AJAP1: variants seen among roughly 807,000 people sequenced by gnomAD.
AJAP1 encodes adherens junctions associated protein 1.
Under a neutral mutation model 35.0 loss-of-function variants are expected in AJAP1, and 5 were observed. The ratio of observed to expected loss-of-function variants is 0.14; its 90% confidence interval spans 0.07 to 0.30. The LOEUF (loss-of-function observed/expected upper bound fraction) is 0.30. Ranked by LOEUF, AJAP1 falls within the 10% of genes least tolerant of loss-of-function variation. The pLI is 1.00. For synonymous variants in AJAP1, 284 were observed against 249.3 expected (o/e 1.14, Z -1.31); for missense variants, 586 against 571.0 (o/e 1.03, Z -0.27).
In AJAP1 at chr1:4,655,438, C is replaced by G; in HGVS notation, c.13C>G (p.Gln5Glu). ...CCGAAACGTGACCATGTGGATTCAA[C>G]AGCTTTTAGGACTCAGGTGAGCGAC... MWIQ[Q>E]LLGLSSMSIR... Residue 5 changes from glutamine (Q) to glutamate (E), a missense_variant, in exon 1 of 6, where the codon CAG becomes GAG. Transcript: ENST00000378191. This position sits in a 1 kb window ranked among gnomAD's most constrained non-coding sequence, Gnocchi z 6.9. 1.3e-6 allele frequency: 2 copies of G among 1,571,562 alleles called. No individual in the cohort carries two copies. The highest frequency in any genetic ancestry group is 8.6e-7 in the Non-Finnish European group (1 of 1,159,262).
chr1:4,688,799 G>T (rs1639667304), intron 1 of AJAP1, among the ~76,000 whole-genome samples: 1 of 149,470 alleles, frequency 6.7e-6, no homozygotes, highest in South Asian at 2.1e-4. Context: ...AAAAAGAAAG[G>T]ATCGTGATGC....
chr1:4,675,939 G>C (rs1296726582), intron 1 of AJAP1, among the ~76,000 whole-genome samples: 1 of 152,228 alleles, frequency 6.6e-6, no homozygotes, highest in Non-Finnish European at 1.5e-5. Flanking sequence ...CTGCAGAGAA[G>C]CTGCGTGGAG....
intron 2 of AJAP1, among the ~76,000 whole-genome samples, chr1:4,746,633 C>T (rs1246426649): frequency 6.6e-6 from 1 of 152,098 alleles, no homozygotes; most frequent in Non-Finnish European, 1.5e-5. Flanking sequence ...GTACCATGAC[C>T]GAAAATACGT....
intron 1 of AJAP1, among the ~76,000 whole-genome samples, chr1:4,684,466 C>T (rs10915586): frequency 0.012 from 1,814 of 152,170 alleles, 38 homozygotes; most frequent in African/African-American, 0.039. Context: ...AGGTCTAGGG[C>T]GGCCTTGTGG....
At chr1:4,727,127 G>T (rs908504996) in intron 2 of AJAP1, among the ~76,000 whole-genome samples, 2 of 152,244 alleles carry the variant, frequency 1.3e-5, no homozygotes, top group Non-Finnish European at 2.9e-5. Flanking sequence ...GAGCTGGGGC[G>T]CACACAGCTC....
In AJAP1 at chr1:4,788,522, G is replaced by T. The variant is rs1223762860; in HGVS notation, c.*6037G>T. On this transcript the variant is annotated 3_prime_UTR_variant, in exon 6 of 6. Coordinates refer to ENST00000378191, the MANE Select transcript of AJAP1 (RefSeq NM_018836.4). Reference sequence around the variant, plus strand: ...CCCTAGCTAGGAAACTTAACTCTTTGCACAACCTCCCTTTATGCTGAAGGG... The same window carrying T: ...CCCTAGCTAGGAAACTTAACTCTTTTCACAACCTCCCTTTATGCTGAAGGG... 1.3e-5 allele frequency: 2 copies of T among 152,162 alleles called. No homozygotes were observed. Among genetic ancestry groups the T allele is most frequent in the Non-Finnish European group, 2.9e-5 (2 of 68,040 alleles). The allele number at this position is 152,162 out of a possible 1,614,324, so 9.4% of individuals were successfully genotyped here.
At chr1:4,674,555 A>G (rs1402082267) in intron 1 of AJAP1, among the ~76,000 whole-genome samples, 1 of 152,226 alleles carries the variant, frequency 6.6e-6, no homozygotes, top group African/African-American at 2.4e-5. Context: ...AGAAGCAGAA[A>G]TACGGAGGGG....
chr1:4,751,843 C>A (rs952629058), intron 2 of AJAP1, among the ~76,000 whole-genome samples: 3 of 152,196 alleles, frequency 2.0e-5, no homozygotes, highest in Admixed American at 1.3e-4. Flanking sequence ...GGCACAGAAG[C>A]AGCCAACACA....
At position 4,787,722 on chromosome 1, in the gene AJAP1, A is replaced by G. The variant is rs1217450527; in HGVS notation, c.*5237A>G. On this transcript the variant is annotated 3_prime_UTR_variant, in exon 6 of 6. Coordinates refer to ENST00000378191, the MANE Select transcript of AJAP1 (RefSeq NM_018836.4). ...CATCTGTCAGGTTGCCAGGCCAAGC[A>G]GGTCTCAGGTCAGCCAGGTCTCAAG... The G allele has an allele frequency of 2.2e-6, 1 of 456,110 alleles. No individual in the cohort carries two copies. Among genetic ancestry groups the G allele is most frequent in the South Asian group, 1.5e-5 (1 of 64,546 alleles). 28.3% of individuals were successfully genotyped at this position (456,110 alleles called of 1,614,324 possible).
rs148887061 is a variant in AJAP1, at chr1:4,725,708, C to T, written c.829+13009C>T. Among the ~76,000 whole-genome samples, 120 of 152,192 alleles carry T rather than the reference C, an allele frequency of 7.9e-4. 1 individual carries two copies. In the East Asian group the frequency reaches 0.023, roughly 29 times the overall value. On this transcript the variant is annotated intron_variant, in intron 2 of 5. Transcript: ENST00000378191. ...CAATCAAAATATGTTCTCCACCGTC[C>T]TGGAGGCTAGAAGTCTGAGGTCAGG...
chr1:4,736,625 G>A (rs781448007), intron 2 of AJAP1, among the ~76,000 whole-genome samples: 2 of 152,220 alleles, frequency 1.3e-5, no homozygotes, highest in African/African-American at 2.4e-5. Context: ...CTTCAGGCCC[G>A]AGCCTTGATG....
Position 4,692,967 on chromosome 1 carries a change from A to G in AJAP1, c.30-18933A>G, listed in dbSNP as rs1639777870. 6.6e-6 allele frequency among the ~76,000 whole-genome samples: 1 copy of G among 152,238 alleles called. No homozygotes were observed. The highest frequency in any genetic ancestry group is 6.5e-5 in the Admixed American group (1 of 15,288). ...GCAGCTGCTTTATTAGGTGGCTATC[A>G]AATAATTGTATAAAAATAAGCAGTT... On this transcript the variant is annotated intron_variant, in intron 1 of 5. Coordinates refer to ENST00000378191, the MANE Select transcript of AJAP1 (RefSeq NM_018836.4). This position sits in a 1 kb window ranked among gnomAD's most constrained non-coding sequence, Gnocchi z 4.4.
intron 2 of AJAP1, among the ~76,000 whole-genome samples, chr1:4,718,672 A>C (rs1446510604): frequency 1.3e-5 from 2 of 152,006 alleles, no homozygotes; most frequent in African/African-American, 4.8e-5. Flanking sequence ...TAGTAGAGAC[A>C]GGGTTTCACT....
At chr1:4,712,952 C>A (rs1640300082) in intron 2 of AJAP1, among the ~76,000 whole-genome samples, 1 of 152,300 alleles carries the variant, frequency 6.6e-6, no homozygotes, top group South Asian at 2.1e-4. Context: ...ACCCCTTGTG[C>A]CTCTGTTAGG....
chr1:4,757,060 G>A (rs888362876), intron 2 of AJAP1, among the ~76,000 whole-genome samples: 6 of 152,174 alleles, frequency 3.9e-5, no homozygotes, highest in South Asian at 4.1e-4. Flanking sequence ...CACATGAGTC[G>A]TTGTTTGGGG....
intron 1 of AJAP1, among the ~76,000 whole-genome samples, chr1:4,691,199 C>T (rs1489071496): frequency 2.0e-5 from 3 of 152,234 alleles, no homozygotes; most frequent in African/African-American, 2.4e-5. Flanking sequence ...GAACAGACTC[C>T]ATTCCTGTTT....
chr1:4,673,467 G>T (rs1019034251), intron 1 of AJAP1, among the ~76,000 whole-genome samples: 2 of 152,094 alleles, frequency 1.3e-5, no homozygotes, highest in African/African-American at 4.8e-5. Flanking sequence ...TTAGTGTTGG[G>T]ACAATTGTAA....
intron 1 of AJAP1, among the ~76,000 whole-genome samples, chr1:4,687,600 G>T (rs1047292769): frequency 1.3e-5 from 2 of 152,134 alleles, no homozygotes; most frequent in Admixed American, 6.5e-5. Context: ...GGTGGCTACG[G>T]CTGCTTTAGG....
chr1:4,695,343 A>G (rs368366049), intron 1 of AJAP1, among the ~76,000 whole-genome samples: 6 of 152,130 alleles, frequency 3.9e-5, no homozygotes, highest in African/African-American at 1.4e-4. Flanking sequence ...GAAGTGGTCA[A>G]AGGTTTTGCG....
Sources: gnomAD v4.1 joint callset for allele counts (sites outside exome capture counted in the v4.1 genomes callset) on GRCh38, gnomAD v4.1.1 for gene constraint, Gnocchi (gnomAD v3.1) non-coding constraint, MANE v1.5 for transcripts, NCBI Gene and HGNC (gene_info 2026-07-23, HGNC 2026-07-21) for gene names.